The following TSC2 variants were observed in gnomAD, a reference collection of about 807,000 sequenced individuals.
TSC2 encodes tuberin.
In TSC2, 29 loss-of-function variants were observed where a neutral mutation model predicts 202.2. The observed-to-expected ratio is 0.14, with a 90% CI of 0.11 to 0.20. The LOEUF is 0.20. Ranked by LOEUF, TSC2 falls within the 10% of genes least tolerant of loss-of-function variation. TSC2 has a pLI of 1.00. For missense variants in TSC2, 2,429 were observed against 2,420.0 expected (o/e 1.00, Z -0.08); for synonymous variants, 1,349 against 1,044.0 (o/e 1.29, Z -5.63).
rs201598807 is a variant in TSC2 at position 2,084,790 on chromosome 16, G to A, written c.4493+75G>A. On this transcript the variant is annotated intron_variant, in intron 34 of 41. Transcript: ENST00000219476. ...CCTGGTGCCTCACTTGCCCCAGGCC[G>A]AGCGGGCTGGGGTGGGGTCCTCGCC... 119 of 1,598,450 alleles carry A rather than the reference G, an allele frequency of 7.4e-5. No homozygotes were observed. In the East Asian group the frequency reaches 1.0e-3, roughly 14 times the overall value.
At chr16:2,069,741 A>G (rs113363919) in intron 16 of TSC2, among the ~76,000 whole-genome samples, 1,537 of 152,232 alleles carry the variant, frequency 0.01, 22 homozygotes, top group African/African-American at 0.035. Flanking sequence ...CGGCTTCCCA[A>G]AGTGCTGGGA....
At position 2,085,304 on chromosome 16, in the gene TSC2, G is replaced by A. The variant is rs780071959; in HGVS notation, c.4644G>A (p.Leu1548=). The A allele has an allele frequency of 2.5e-6, 4 of 1,612,734 alleles. No homozygotes were observed. The highest frequency in any genetic ancestry group is 1.1e-5 in the South Asian group (1 of 91,090). ...ACGACACCCACAAGATCGCCGTCCTGTATGTTGGAGAAGGCCAGGTGAGGC... is the reference window on the plus strand; with the variant it reads ...ACGACACCCACAAGATCGCCGTCCTATATGTTGGAGAAGGCCAGGTGAGGC... The part of the protein sequence containing the change: ...PSYDTHKIAV[L]YVGEGQSNSE... Residue 1548 remains leucine (L), a synonymous_variant, in exon 36 of 42, where the codon CTG becomes CTA. Transcript: ENST00000219476.
Position 2,048,044 on chromosome 16 carries a change from G to C in TSC2, c.-51G>C. On this transcript the variant is annotated 5_prime_UTR_variant, in exon 1 of 42. Coordinates refer to ENST00000219476, the MANE Select transcript of TSC2 (RefSeq NM_000548.5). ...CCTTTCTCCGCGTCGGGGCGGCCCG[G>C]AGCGCGGTGGCGCGGCGCGGGGTAA... 7.0e-7 allele frequency: 1 copy of C among 1,426,334 alleles called. No individual in the cohort carries two copies. The highest frequency in any genetic ancestry group is 1.5e-5 in the South Asian group (1 of 66,340). The allele number at this position is 1,426,334 out of a possible 1,614,324, so 88.4% of individuals were successfully genotyped here. A position where few individuals can be genotyped will look rare whatever the true frequency, so the allele number is the denominator to read the frequency against.
In TSC2 at chr16:2,071,607, G is replaced by A. The variant is rs1555505863; in HGVS notation, c.1937G>A (p.Cys646Tyr). 1 of 1,613,402 alleles carries A rather than the reference G, an allele frequency of 6.2e-7. No homozygotes were observed. The highest frequency in any genetic ancestry group is 8.5e-7 in the Non-Finnish European group (1 of 1,180,024). ...GTGCGGTTCAGCCCCTACTGCGTCT[G>A]CGACTACATGTACGCGGGACCTCGC... ...GVVRFSPYCV[C>Y]DYMEPERGSE... The change falls in exon 18 of 42, where the codon TGC becomes TAC. Residue 646 changes from cysteine to tyrosine, a missense_variant. Cys to Tyr is a radical substitution (Grantham distance 194). Transcript: ENST00000219476.
chr16:2,087,761 C>T, intron 38 of TSC2, 102 bp from the exon 39 acceptor site: 3 of 1,398,774 alleles, frequency 2.1e-6, no homozygotes, highest in Non-Finnish European at 3.0e-6. Context: ...CAGATGCTGC[C>T]CATGGAGCTG....
chr16:2,052,066 AAAC>A (rs2085192742), intron 3 of TSC2, among the ~76,000 whole-genome samples: 1 of 152,168 alleles, frequency 6.6e-6, no homozygotes, highest in Admixed American at 6.5e-5. Context: ...CTGTCTCAGA[AAAC>A]AAAAAAAAGA....
At position 2,060,823 on chromosome 16, in the gene TSC2, G is replaced by A. The variant is rs772040527; in HGVS notation, c.1119+10G>A. ...CCTTCAGCAGCTCCAGGTGGGGTGG[G>A]GGCAGGAGCTCCGGGGAGCACCGGG... On this transcript the variant is annotated intron_variant, in intron 11 of 41. Coordinates refer to ENST00000219476, the MANE Select transcript of TSC2 (RefSeq NM_000548.5). 2 of 1,613,036 alleles carry A rather than the reference G, an allele frequency of 1.2e-6. No individual in the cohort carries two copies. The highest frequency in any genetic ancestry group is 1.1e-5 in the South Asian group (1 of 91,066).
At chr16:2,087,991 G>A (rs2091070907) in intron 39 of TSC2, 50 bp downstream of exon 39, 1 of 1,612,736 alleles carries the variant, frequency 6.2e-7, no homozygotes, top group Admixed American at 1.7e-5. Flanking sequence ...GCCGGGTGGG[G>A]CCCTGCAGTG....
In TSC2 at chr16:2,077,585, C is replaced by T. The variant is rs1419094468; in HGVS notation, c.2838-13C>T. On this transcript the variant is annotated splice_polypyrimidine_tract_variant and intron_variant, in intron 25 of 41. Transcript: ENST00000219476. ...GCTCTCTGGGGCGTTGGGGCTCCTTCCTCACCCGATAGTCTGAGGATAGCC... is the reference window on the plus strand; with the variant it reads ...GCTCTCTGGGGCGTTGGGGCTCCTTTCTCACCCGATAGTCTGAGGATAGCC... 11 of 1,612,736 alleles carry T rather than the reference C, an allele frequency of 6.8e-6. No individual in the cohort carries two copies. Among genetic ancestry groups the T allele is most frequent in the Non-Finnish European group, 9.3e-6 (11 of 1,179,984 alleles).
At chr16:2,082,160 C>A in intron 31 of TSC2, 1 of 594,872 alleles carries the variant, frequency 1.7e-6, no homozygotes, top group East Asian at 2.8e-5. Context: ...GCCCCCACCC[C>A]ACTCGGCACC....
chr16:2,057,057 G>A lies in TSC2; in HGVS notation c.775-48G>A, dbSNP rs762148738. 8 of 1,546,732 alleles carry A rather than the reference G, an allele frequency of 5.2e-6. No individual in the cohort carries two copies. The South Asian group carries it at 9.5e-5, about 18-fold the overall frequency. The stretch of plus-strand genomic sequence containing the variant: ...GGGCCAGCAGCGGGACTGGGGCTGG[G>A]GGCAGGGCTTATGCCTGCCAGCCCC... On this transcript the variant is annotated intron_variant, in intron 8 of 41. Transcript: ENST00000219476.
Position 2,082,312 on chromosome 16 carries a change from C to T in TSC2, c.3815-124C>T, listed in dbSNP as rs143001593. 4.7e-4 allele frequency: 521 copies of T among 1,108,662 alleles called. 1 individual carries two copies. The African/African-American group carries it at 6.0e-3, about 13-fold the overall frequency. 68.7% of individuals were successfully genotyped at this position (1,108,662 alleles called of 1,614,324 possible). ...CTTGTAGCTAGCACTGGGCCCCGTG[C>T]GCGCCCCTGCCGGCCGCTGGCCCTG... On this transcript the variant is annotated intron_variant, in intron 31 of 41. Transcript: ENST00000219476.
At chr16:2,048,194 C>A (rs978116474) in intron 1 of TSC2, 129 bp downstream of exon 1, 11 of 1,531,654 alleles carry the variant, frequency 7.2e-6, no homozygotes, top group African/African-American at 1.4e-5. Context: ...GAGCTCCGAG[C>A]ATCCCTTAGT....
intron 6 of TSC2, chr16:2,055,955 G>A (rs181789565): frequency 1.6e-6 from 1 of 613,544 alleles, no homozygotes; most frequent in Non-Finnish European, 3.0e-6. Context: ...CTGATGTCTT[G>A]GTTATCTTTT....
In TSC2 at chr16:2,048,056, G is replaced by C. The variant is rs903467940; in HGVS notation, c.-39G>C. 7.0e-6 allele frequency: 10 copies of C among 1,424,056 alleles called. No homozygotes were observed. In the African/African-American group the frequency reaches 1.5e-4, roughly 21 times the overall value. 88.2% of individuals were successfully genotyped at this position (1,424,056 alleles called of 1,614,324 possible). ...TCGGGGCGGCCCGGAGCGCGGTGGC[G>C]CGGCGCGGGGTAAGTGGCGGTCCCC... On this transcript the variant is annotated 5_prime_UTR_variant, in exon 1 of 42. Coordinates refer to ENST00000219476, the MANE Select transcript of TSC2 (RefSeq NM_000548.5).
intron 11 of TSC2, 101 bp from the exon 12 acceptor site, chr16:2,061,770 G>T: frequency 6.3e-7 from 1 of 1,597,192 alleles, no homozygotes; most frequent in Non-Finnish European, 8.6e-7. Flanking sequence ...GCCTGAGAGG[G>T]CTGAGGGTGT....
At chr16:2,080,686 GT>G (rs2090029534) in intron 30 of TSC2, 3 of 371,550 alleles carry the variant, frequency 8.1e-6, no homozygotes, top group Non-Finnish European at 1.5e-5. Flanking sequence ...GGGTTTCACT[GT>G]GTTAGCCAGG....
intron 35 of TSC2, 63 bp downstream of exon 35, chr16:2,085,089 G>T (rs1292173721): frequency 6.2e-7 from 1 of 1,605,846 alleles, no homozygotes; most frequent in African/African-American, 1.3e-5. Flanking sequence ...ATGGTGGGGG[G>T]CCCAGCTCTG....
At chr16:2,080,652 T>G (rs1347583879) in intron 30 of TSC2, 1 of 450,462 alleles carries the variant, frequency 2.2e-6, no homozygotes, top group Non-Finnish European at 4.1e-6. Flanking sequence ...CCTGGCCAAT[T>G]TTTTTGTATT....
Sources: allele counts gnomAD v4.1 joint callset (sites outside exome capture counted in the v4.1 genomes callset), GRCh38; gene constraint gnomAD v4.1.1; transcripts MANE v1.5; gene names NCBI Gene and HGNC (gene_info 2026-07-23, HGNC 2026-07-21).